Variants in ESR1 observed in about 807,000 individuals in gnomAD.
ESR1 encodes estrogen receptor 1, also known as estrogen receptor.
Under a neutral mutation model 52.7 loss-of-function variants are expected in ESR1, and 12 were observed. The observed-to-expected ratio is 0.23, with a 90% CI of 0.15 to 0.37. The LOEUF is 0.37. ESR1 is among the 10% of genes least tolerant of loss of function. The pLI is 1.00. For missense variants in ESR1, 584 were observed against 779.7 expected, an observed-to-expected ratio of 0.75 and a Z score of 2.99; for synonymous variants, 305 against 316.8, an observed-to-expected ratio of 0.96 and a Z score of 0.39.
chr6:151,959,887 C>T (rs2037452953), intron 4 of ESR1, among the ~76,000 whole-genome samples: 1 of 152,170 alleles, frequency 6.6e-6, no homozygotes, highest in South Asian at 2.1e-4. Context: ...AAGATGTTCA[C>T]TACTCTATAT....
intron 5 of ESR1, among the ~76,000 whole-genome samples, chr6:152,032,132 G>A (rs949665906): frequency 3.3e-5 from 5 of 152,044 alleles, no homozygotes; most frequent in African/African-American, 1.2e-4. Context: ...GTATTGATGG[G>A]ACCTATCTCA....
upstream of ESR1, among the ~76,000 whole-genome samples, chr6:151,687,783 A>AC (rs1387878057): frequency 1.3e-5 from 2 of 152,208 alleles, no homozygotes; most frequent in Admixed American, 1.3e-4. Context: ...AAACAATGTG[A>AC]CACTACCAAG....
downstream of ESR1, among the ~76,000 whole-genome samples, chr6:152,105,530 A>G (rs1233870010): frequency 6.6e-6 from 1 of 150,494 alleles, no homozygotes; most frequent in Non-Finnish European, 1.5e-5. Flanking sequence ...GGTTCAAGCG[A>G]TTCTCCTGCC....
intron 4 of ESR1, among the ~76,000 whole-genome samples, chr6:151,977,017 G>A (rs1388194193): frequency 6.6e-6 from 1 of 152,102 alleles, no homozygotes; most frequent in Non-Finnish European, 1.5e-5. Context: ...TAGATGCCAT[G>A]AAAAACCCAC....
intron 2 of ESR1, among the ~76,000 whole-genome samples, chr6:151,736,375 G>GGTTTTTTTTTTTTTTTTTTTTTTTT (rs1554247186): frequency 8.9e-6 from 1 of 112,742 alleles, no homozygotes; most frequent in African/African-American, 3.8e-5. Flanking sequence ...TCCAGGTAGT[G>GGTTTTTTTTTTTTTTTTTTTTTTTT]TTTTTTTTTT....
At chr6:151,783,274 A>C (rs554570809) in intron 2 of ESR1, among the ~76,000 whole-genome samples, 1 of 152,314 alleles carries the variant, frequency 6.6e-6, no homozygotes, top group Admixed American at 6.5e-5. Context: ...GATCAGCACC[A>C]GCCCTGTGTC....
At chr6:152,039,819 C>T (rs1054099975) in intron 5 of ESR1, among the ~76,000 whole-genome samples, 17 of 152,162 alleles carry the variant, frequency 1.1e-4, no homozygotes, top group African/African-American at 3.1e-4. Flanking sequence ...TCTATCAATC[C>T]GGCTGCTTCA....
At chr6:151,979,447 A>G (rs1402387955) in intron 4 of ESR1, among the ~76,000 whole-genome samples, 2 of 152,250 alleles carry the variant, frequency 1.3e-5, no homozygotes, top group African/African-American at 4.8e-5. Context: ...TGATGACTTG[A>G]TATGTTTTTT....
chr6:152,077,735 G>C (rs1463362531), intron 6 of ESR1, among the ~76,000 whole-genome samples: 6 of 152,190 alleles, frequency 3.9e-5, no homozygotes, highest in Non-Finnish European at 7.3e-5. Flanking sequence ...TGACTGCCCT[G>C]GTGGATTTTA....
rs868208477 is a variant in ESR1, at chr6:151,666,855, G to T, written n.73+10092G>T. ...ACTCTCAGTGCACCAAAACCCAGCA[G>T]AGTTAAATAGTGGAAGGTTCTTAAG... On this transcript the variant is annotated intron_variant and non_coding_transcript_variant, in intron 1 of 2. Coordinates refer to the ESR1 transcript ENST00000473497. Among the ~76,000 whole-genome samples, 4 of 152,136 alleles carry T rather than the reference G, an allele frequency of 2.6e-5. No individual in the cohort carries two copies. The South Asian group carries it at 8.3e-4, about 32-fold the overall frequency.
chr6:151,732,173 T>G (rs1439090530), intron 2 of ESR1, among the ~76,000 whole-genome samples: 3 of 152,252 alleles, frequency 2.0e-5, no homozygotes, highest in African/African-American at 7.2e-5. Context: ...TTCTCTTCTA[T>G]GAGAACATTT....
chr6:151,662,274 A>G (rs1777664928), intron 1 of ESR1, among the ~76,000 whole-genome samples: 1 of 152,226 alleles, frequency 6.6e-6, no homozygotes, highest in Admixed American at 6.5e-5. Flanking sequence ...TCGAAGTTTC[A>G]TCATTTCTTT....
chr6:151,756,017 C>G (rs189704046), intron 2 of ESR1, among the ~76,000 whole-genome samples: 1 of 152,284 alleles, frequency 6.6e-6, no homozygotes, highest in Non-Finnish European at 1.5e-5. Context: ...CTTCTGATGT[C>G]ATGTTCTTTG....
chr6:151,897,748 A>AT (rs912099486), intron 3 of ESR1, among the ~76,000 whole-genome samples: 5 of 151,754 alleles, frequency 3.3e-5, no homozygotes, highest in East Asian at 3.9e-4. Flanking sequence ...TATACCTTGG[A>AT]TTTTTTTTAG....
At chr6:152,122,799 G>A in intron 6 of ESR1, 1 of 1,479,742 alleles carries the variant, frequency 6.8e-7, no homozygotes, top group Non-Finnish European at 9.2e-7. Context: ...CTGGCGATCA[G>A]CTGCCAGCCT....
At chr6:152,073,519 T>C (rs1406012032) in intron 6 of ESR1, among the ~76,000 whole-genome samples, 3 of 152,236 alleles carry the variant, frequency 2.0e-5, no homozygotes, top group African/African-American at 7.2e-5. Context: ...TCTTAAAAGA[T>C]GCCAGTTCGC....
At chr6:151,687,504 G>A (rs1778736371), upstream of ESR1, among the ~76,000 whole-genome samples, 1 of 152,192 alleles carries the variant, frequency 6.6e-6, no homozygotes, top group Non-Finnish European at 1.5e-5. Flanking sequence ...AATTAACTAT[G>A]TAACTGAGTC....
intron 2 of ESR1, among the ~76,000 whole-genome samples, chr6:151,867,281 A>G (rs1790085545): frequency 6.6e-6 from 1 of 152,174 alleles, no homozygotes; most frequent in Non-Finnish European, 1.5e-5. Context: ...TAATTAAACT[A>G]AAGAACAACT....
At chr6:151,810,442 G>A (rs977559863) in intron 1 of ESR1, among the ~76,000 whole-genome samples, 1 of 152,106 alleles carries the variant, frequency 6.6e-6, no homozygotes, top group Non-Finnish European at 1.5e-5. Flanking sequence ...TTCTTCATAT[G>A]GACAGATATT....
Sources: allele counts gnomAD v4.1 joint callset (sites outside exome capture counted in the v4.1 genomes callset), GRCh38; gene constraint gnomAD v4.1.1; transcripts MANE v1.5; gene names NCBI Gene and HGNC (gene_info 2026-07-23, HGNC 2026-07-21).